The following ATP8A1 variants were observed in gnomAD, a reference collection of about 807,000 sequenced individuals.
ATP8A1 encodes ATPase phospholipid transporting 8A1.
In ATP8A1, 90 loss-of-function variants were observed where a neutral mutation model predicts 177.7. The ratio of observed to expected loss-of-function variants is 0.51; its 90% CI spans 0.43 to 0.60. The LOEUF (loss-of-function observed/expected upper bound fraction) is 0.60, where lower values mean the gene tolerates loss of function less well. ATP8A1 is among the 20% of genes least tolerant of loss of function. The probability of loss-of-function intolerance (pLI) is 0.00; values close to 1 mark genes in which losing one functional copy is unlikely to be tolerated. For synonymous variants in ATP8A1, 493 were observed against 485.9 expected (o/e 1.01, Z -0.19); for missense variants, 1,072 against 1,392.8 (o/e 0.77, Z 3.67).
intron 15 of ATP8A1, among the ~76,000 whole-genome samples, chr4:42,562,754 T>C (rs1198788900): frequency 6.6e-6 from 1 of 152,120 alleles, no homozygotes; most frequent in Non-Finnish European, 1.5e-5. Flanking sequence ...TGACAGTGAA[T>C]ATATTTCACA....
intron 33 of ATP8A1, among the ~76,000 whole-genome samples, chr4:42,442,325 A>C (rs180815211): frequency 1.3e-5 from 2 of 152,328 alleles, no homozygotes; most frequent in Admixed American, 1.3e-4. Flanking sequence ...AAAACAAAGA[A>C]TAGAATTAAA....
intron 36 of ATP8A1, 22 bp from the exon 37 acceptor site, chr4:42,413,035 G>A: frequency 6.2e-7 from 1 of 1,603,312 alleles, no homozygotes. Flanking sequence ...TGATAAAACA[G>A]AAATTCTCAC....
At chr4:42,592,376 T>C (rs1371887478) in intron 6 of ATP8A1, among the ~76,000 whole-genome samples, 1 of 152,174 alleles carries the variant, frequency 6.6e-6, no homozygotes, top group Non-Finnish European at 1.5e-5. Context: ...GGGGAGTTTC[T>C]GAAGTTGGAT....
chr4:42,563,320 G>A lies in ATP8A1; in HGVS notation c.1340+5841C>T, dbSNP rs556819595. The stretch of plus-strand genomic sequence containing the variant: ...GTGGAACTTCGAACTTGAGAGAGAT[G>A]ATTAGGGTATCTGGCGGAAGAAATT... On this transcript the variant is annotated intron_variant, in intron 15 of 36. Coordinates refer to ENST00000381668, the MANE Select transcript of ATP8A1 (RefSeq NM_006095.2). Among the ~76,000 whole-genome samples, 17 of 152,320 alleles carry A rather than the reference G, an allele frequency of 1.1e-4. No homozygotes were observed. The South Asian group carries it at 3.3e-3, about 30-fold the overall frequency.
intron 20 of ATP8A1, among the ~76,000 whole-genome samples, chr4:42,533,796 C>G (rs1215707528): frequency 6.6e-6 from 1 of 152,188 alleles, no homozygotes; most frequent in East Asian, 1.9e-4. Flanking sequence ...TCCACCAAAG[C>G]AGGTGCTGGT....
At chr4:42,448,913 G>A (rs1357956900) in intron 30 of ATP8A1, among the ~76,000 whole-genome samples, 1 of 129,214 alleles carries the variant, frequency 7.7e-6, no homozygotes, top group Non-Finnish European at 1.5e-5. Context: ...TTGGCTCACT[G>A]CAACCTCCAC....
chr4:42,594,303 T>C, intron 6 of ATP8A1: 1 of 1,601,098 alleles, frequency 6.2e-7, no homozygotes, highest in Non-Finnish European at 8.6e-7. Context: ...ATGAGAGAAG[T>C]ACAGTGTCAG....
intron 5 of ATP8A1, among the ~76,000 whole-genome samples, chr4:42,607,418 C>T (rs1408917075): frequency 6.6e-6 from 1 of 152,164 alleles, no homozygotes; most frequent in African/African-American, 2.4e-5. Context: ...AGAACTGGTT[C>T]TTAAACACCC....
intron 5 of ATP8A1, among the ~76,000 whole-genome samples, chr4:42,604,671 C>G (rs1263893329): frequency 6.6e-6 from 1 of 152,198 alleles, no homozygotes; most frequent in Admixed American, 6.5e-5. Context: ...AATTCTACTA[C>G]TAGGTGTATA....
intron 1 of ATP8A1, among the ~76,000 whole-genome samples, chr4:42,651,635 C>T (rs1741106286): frequency 6.6e-6 from 1 of 152,174 alleles, no homozygotes; most frequent in African/African-American, 2.4e-5. Context: ...GCAAAATAAG[C>T]ATTAGTTTTT....
chr4:42,461,353 T>C (rs1225490842), intron 27 of ATP8A1, among the ~76,000 whole-genome samples: 1 of 151,214 alleles, frequency 6.6e-6, no homozygotes, highest in African/African-American at 2.4e-5. Context: ...TGAATTCCCA[T>C]GTGTTGTGGG....
intron 11 of ATP8A1, among the ~76,000 whole-genome samples, chr4:42,578,779 C>G (rs577437540): frequency 8.9e-4 from 135 of 152,102 alleles, no homozygotes; most frequent in African/African-American, 3.1e-3. Context: ...TAAAAGCAAA[C>G]AAGACAGCAG....
At chr4:42,614,544 A>G (rs771728559) in intron 5 of ATP8A1, among the ~76,000 whole-genome samples, 6 of 152,170 alleles carry the variant, frequency 3.9e-5, no homozygotes, top group Non-Finnish European at 8.8e-5. Context: ...GGCTTCTAAC[A>G]GTCCCTTACT....
chr4:42,504,305 C>T (rs150993143), intron 23 of ATP8A1, among the ~76,000 whole-genome samples: 180 of 152,304 alleles, frequency 1.2e-3, no homozygotes, highest in African/African-American at 4.1e-3. Context: ...AGGAAGTAGG[C>T]ATTTCCATCA....
intron 1 of ATP8A1, among the ~76,000 whole-genome samples, chr4:42,639,962 A>G (rs1176841133): frequency 6.6e-6 from 1 of 152,222 alleles, no homozygotes; most frequent in Non-Finnish European, 1.5e-5. Context: ...TGGATTCAAC[A>G]TAGTACTTGG....
chr4:42,626,844 A>G (rs1468171557), intron 2 of ATP8A1, 151 bp downstream of exon 2: 1 of 657,650 alleles, frequency 1.5e-6, no homozygotes. Flanking sequence ...TCTATGGGAG[A>G]GAAGATGGGG....
chr4:42,486,775 C>G (rs1380830459), intron 24 of ATP8A1, among the ~76,000 whole-genome samples: 1 of 152,198 alleles, frequency 6.6e-6, no homozygotes, highest in East Asian at 1.9e-4. Context: ...ATACAAATAC[C>G]ACTGTGTTAC....
chr4:42,467,058 A>G (rs1040299959), intron 25 of ATP8A1, among the ~76,000 whole-genome samples: 2 of 152,264 alleles, frequency 1.3e-5, no homozygotes, highest in Non-Finnish European at 2.9e-5. Context: ...TACTTTTTCC[A>G]TAACTAAACT....
chr4:42,555,033 T>C (rs1467421039), intron 16 of ATP8A1, among the ~76,000 whole-genome samples: 1 of 152,092 alleles, frequency 6.6e-6, no homozygotes, highest in Non-Finnish European at 1.5e-5. Context: ...GCAGATGGCC[T>C]ATTGTGGGAT....
Sources: allele counts gnomAD v4.1 joint callset (sites outside exome capture counted in the v4.1 genomes callset), GRCh38; gene constraint gnomAD v4.1.1; transcripts MANE v1.5; gene names NCBI Gene and HGNC (gene_info 2026-07-23, HGNC 2026-07-21).